Variants in ZMAT1 observed in about 807,000 individuals in gnomAD.
ZMAT1 encodes zinc finger matrin-type protein 1.
ZMAT1 carries 11 observed loss-of-function variants against 18.5 expected under a neutral mutation model. That is an observed-to-expected ratio of 0.59 (90% CI 0.37 to 0.98). The LOEUF (loss-of-function observed/expected upper bound fraction) is 0.98. Among genes scored for constraint, ZMAT1 ranks in the 50% least tolerant of loss-of-function variants. The probability of loss-of-function intolerance (pLI) is 0.01; values close to 1 mark genes in which losing one functional copy is unlikely to be tolerated. For missense variants in ZMAT1, 525 were observed against 496.2 expected (o/e 1.06, Z -0.55); for synonymous variants, 211 against 176.4 (o/e 1.20, Z -1.55).
intron 1 of ZMAT1, among the ~76,000 whole-genome samples, chrX:101,919,509 T>C (rs751104912): frequency 1.9e-4 from 21 of 111,838 alleles, no homozygotes; most frequent in African/African-American, 6.8e-4. Flanking sequence ...ATGTTGGAGA[T>C]GACAAACTAC....
intron 4 of ZMAT1, among the ~76,000 whole-genome samples, chrX:101,894,015 G>A (rs1241152824): frequency 1.8e-5 from 2 of 110,355 alleles, no homozygotes; most frequent in Non-Finnish European, 3.8e-5. Context: ...ATAATGAAGG[G>A]TTTTAAAGAA....
intron 2 of ZMAT1, among the ~76,000 whole-genome samples, chrX:101,898,627 G>T (rs1927995572): frequency 9.0e-6 from 1 of 111,482 alleles, no homozygotes; most frequent in Non-Finnish European, 1.9e-5. Context: ...TAAATGACTG[G>T]GCCATAAGCC....
At chrX:101,893,116 T>C (rs1013108283) in intron 4 of ZMAT1, among the ~76,000 whole-genome samples, 1 of 111,833 alleles carries the variant, frequency 8.9e-6, no homozygotes, top group Non-Finnish European at 1.9e-5. Context: ...GATTAAATTA[T>C]GCTGATGATC....
chrX:101,896,516 T>C (rs779320388), intron 4 of ZMAT1, among the ~76,000 whole-genome samples: 1 of 112,372 alleles, frequency 8.9e-6, no homozygotes, highest in South Asian at 3.7e-4. Context: ...TTTAAAAAAA[T>C]AATTCTGGCT....
At chrX:101,909,799 C>T (rs919866806) in intron 1 of ZMAT1, among the ~76,000 whole-genome samples, 53 of 112,312 alleles carry the variant, frequency 4.7e-4, no homozygotes, top group African/African-American at 1.6e-3. Context: ...TAACTCTAGT[C>T]GCTGACTCCC....
At chrX:101,925,520 C>A (rs942090101) in intron 1 of ZMAT1, among the ~76,000 whole-genome samples, 2 of 112,002 alleles carry the variant, frequency 1.8e-5, no homozygotes, top group African/African-American at 6.5e-5. Context: ...CCATCTTTAC[C>A]CACAACTATA....
rs781450942 is a variant in ZMAT1, at chrX:101,897,936, G to A, written c.608C>T (p.Ala203Val). ...AQSHYVGKVHAKKLKQLMEEH... is the reference protein window; with the variant it reads ...AQSHYVGKVHVKKLKQLMEEH... ...CTCCATTAATTGCTTCAGTTTTTTA[G>A]CATGGACCTTTCCCACATAGTGAGA... The change falls in exon 4 of 6, where the codon GCT becomes GTT. Residue 203 changes from alanine (A) to valine (V), a missense_variant. Ala to Val is a moderately conservative substitution (Grantham distance 64). Coordinates refer to ENST00000651725, the MANE Select transcript of ZMAT1 (RefSeq NM_001394560.1). 1.7e-6 allele frequency: 2 copies of A among 1,211,296 alleles called. No homozygotes were observed. Among genetic ancestry groups the A allele is most frequent in the Non-Finnish European group, 2.2e-6 (2 of 895,092 alleles).
At chrX:101,905,717 C>A (rs139950871) in intron 1 of ZMAT1, among the ~76,000 whole-genome samples, 2,298 of 111,188 alleles carry the variant, frequency 0.021, 33 homozygotes, top group Non-Finnish European at 0.033. Context: ...ACTTTCTGTA[C>A]AACTGTCTTA....
intron 1 of ZMAT1, among the ~76,000 whole-genome samples, chrX:101,908,387 A>G (rs1009051610): frequency 9.0e-6 from 1 of 111,484 alleles, no homozygotes; most frequent in Non-Finnish European, 1.9e-5. Context: ...CCCCAACCCC[A>G]CAAGGACACC....
chrX:101,914,865 AACAG>A (rs1929209444), intron 1 of ZMAT1, among the ~76,000 whole-genome samples: 4 of 111,731 alleles, frequency 3.6e-5, no homozygotes, highest in African/African-American at 9.7e-5. Context: ...TGATACCAAA[AACAG>A]ACAAAGAGAC....
chrX:101,929,021 TTTTC>T (rs1302963181), intron 1 of ZMAT1, among the ~76,000 whole-genome samples: 7 of 111,009 alleles, frequency 6.3e-5, no homozygotes, highest in African/African-American at 1.3e-4. Flanking sequence ...ATGGCATTTC[TTTTC>T]TTTCTTTGTT....
chrX:101,901,970 A>G (rs1472332512), intron 2 of ZMAT1, among the ~76,000 whole-genome samples: 1 of 112,046 alleles, frequency 8.9e-6, no homozygotes, highest in Non-Finnish European at 1.9e-5. Flanking sequence ...ATATATAAAT[A>G]GATCTCCCAA....
At chrX:101,911,822 A>T in intron 1 of ZMAT1, 2 of 1,207,255 alleles carry the variant, frequency 1.7e-6, no homozygotes, top group Admixed American at 2.2e-5. Context: ...CACCAAGGAA[A>T]AGCCCTATCG....
intron 1 of ZMAT1, among the ~76,000 whole-genome samples, chrX:101,909,782 GT>G (rs962781966): frequency 1.8e-5 from 2 of 112,345 alleles, no homozygotes; most frequent in Non-Finnish European, 3.8e-5. Context: ...GACTTCTAAG[GT>G]TTTTTTAACT....
chrX:101,889,229 C>T (rs1353319926), intron 4 of ZMAT1: 2 of 111,423 alleles, frequency 1.8e-5, no homozygotes, highest in Non-Finnish European at 1.9e-5. Flanking sequence ...GGTCAGAATT[C>T]CTGATTGAAT....
intron 1 of ZMAT1, 24 bp downstream of exon 1, chrX:101,931,693 C>T: frequency 1.3e-6 from 1 of 758,285 alleles, no homozygotes; most frequent in Non-Finnish European, 1.6e-6. Context: ...GGGGCCGCCC[C>T]CGCACCCCGG....
intron 1 of ZMAT1, among the ~76,000 whole-genome samples, chrX:101,920,330 C>A (rs992766677): frequency 1.8e-5 from 2 of 111,880 alleles, no homozygotes; most frequent in Non-Finnish European, 3.8e-5. Context: ...CAGGTGGGAG[C>A]CACTGTGCCC....
At chrX:101,931,564 C>T (rs1569444836) in intron 1 of ZMAT1, 153 bp downstream of exon 1, 1 of 675,636 alleles carries the variant, frequency 1.5e-6, no homozygotes, top group Non-Finnish European at 1.7e-6. Flanking sequence ...GGGGCTAATA[C>T]GGCGGGGCGG....
intron 2 of ZMAT1, among the ~76,000 whole-genome samples, chrX:101,901,512 C>T (rs1320979798): frequency 1.8e-5 from 2 of 111,271 alleles, no homozygotes; most frequent in Admixed American, 1.9e-4. Context: ...GAACAGGAAA[C>T]AATATAATCG....
Sources: gnomAD v4.1 joint callset for allele counts (sites outside exome capture counted in the v4.1 genomes callset) on GRCh38, gnomAD v4.1.1 for gene constraint, MANE v1.5 for transcripts, NCBI Gene and HGNC (gene_info 2026-07-23, HGNC 2026-07-21) for gene names.